Variants in TRAFD1 observed in about 807,000 individuals in gnomAD.
The protein encoded by TRAFD1 is TRAF-type zinc finger domain containing 1, also known as TRAF-type zinc finger domain-containing protein 1.
A neutral mutation model predicts 65.3 loss-of-function variants in TRAFD1; 38 were observed. That is an observed-to-expected ratio of 0.58 (90% CI 0.45 to 0.76). TRAFD1 has a LOEUF of 0.76. Among genes scored for constraint, TRAFD1 ranks in the 30% least tolerant of loss-of-function variants. TRAFD1 has a pLI of 0.00. For synonymous variants in TRAFD1, 223 were observed against 257.2 expected (o/e 0.87, Z 1.27); for missense variants, 631 against 712.6 (o/e 0.89, Z 1.30).
chr12:112,151,691 C>T (rs1451824978), intron 9 of TRAFD1, 110 bp from the exon 10 acceptor site: 2 of 1,104,570 alleles, frequency 1.8e-6, no homozygotes, highest in African/African-American at 3.2e-5. Context: ...AGCCACCACG[C>T]CTGGCTGAGC....
rs2030248589 is a variant in TRAFD1 at position 112,146,421 on chromosome 12, T to G, written c.927+759T>G. Among the ~76,000 whole-genome samples the G allele has an allele frequency of 1.3e-5, 2 of 152,118 alleles. 1 individual carries two copies. The highest frequency in any genetic ancestry group is 4.1e-4 in the South Asian group (2 of 4,832). On this transcript the variant is annotated intron_variant, in intron 7 of 11. Coordinates refer to ENST00000412615, the MANE Select transcript of TRAFD1 (RefSeq NM_006700.3). ...CATTTCAGCAGACCTGGAAATCTCA[T>G]GCTAGCAGCCCTTTCATGTGGTAGT... is the stretch of plus-strand genomic sequence containing the variant.
rs773624177 is a variant in TRAFD1 at position 112,152,712 on chromosome 12, G to A, written c.1693-23G>A. On this transcript the variant is annotated intron_variant, in intron 11 of 11. Coordinates refer to ENST00000412615, the MANE Select transcript of TRAFD1 (RefSeq NM_006700.3). This position sits in a 1 kb window ranked among gnomAD's most constrained non-coding sequence, Gnocchi z 5.0. ...TTTTTCACTTTTTATGTAAAGCTTC[G>A]TTTGTGTTGTGTTGTTCACCAGGCA... is the stretch of plus-strand genomic sequence containing the variant. 10 of 1,614,154 alleles carry A rather than the reference G, an allele frequency of 6.2e-6. 1 individual carries two copies. The Admixed American group carries it at 6.7e-5, about 11-fold the overall frequency.
At chr12:112,138,442 C>T (rs561963967) in intron 4 of TRAFD1, among the ~76,000 whole-genome samples, 7 of 151,594 alleles carry the variant, frequency 4.6e-5, no homozygotes, top group African/African-American at 1.2e-4. Context: ...TCCAGCTACT[C>T]GGGAGGCTGA....
chr12:112,151,752 T>TA, intron 9 of TRAFD1, 49 bp from the exon 10 acceptor site: 1 of 1,548,734 alleles, frequency 6.5e-7, no homozygotes, highest in South Asian at 1.2e-5. Context: ...CCTGGCACTA[T>TA]AGCCAGAGCA....
intron 6 of TRAFD1, 66 bp downstream of exon 6, chr12:112,142,361 T>G: frequency 6.7e-7 from 1 of 1,485,864 alleles, no homozygotes; most frequent in Non-Finnish European, 9.1e-7. Context: ...GTTATACAAT[T>G]CTTATACAAT....
intron 2 of TRAFD1, among the ~76,000 whole-genome samples, chr12:112,134,404 C>T (rs1243495710): frequency 2.7e-5 from 4 of 149,986 alleles, no homozygotes; most frequent in South Asian, 2.1e-4. Flanking sequence ...TACAGGTGCC[C>T]GCCATCACGC....
chr12:112,144,190 C>A (rs185138340), intron 6 of TRAFD1, among the ~76,000 whole-genome samples: 7 of 152,134 alleles, frequency 4.6e-5, no homozygotes, highest in Admixed American at 3.9e-4. Flanking sequence ...TAGCATGTTC[C>A]TCTGAGAATT....
chr12:112,136,068 G>A (rs1205612511), intron 4 of TRAFD1, among the ~76,000 whole-genome samples: 1 of 151,052 alleles, frequency 6.6e-6, no homozygotes, highest in African/African-American at 2.4e-5. Context: ...GGCAGAGGTT[G>A]CAGTGAGCCG....
At chr12:112,133,287 C>T (rs1480066130) in intron 2 of TRAFD1, 1 of 152,180 alleles carries the variant, frequency 6.6e-6, no homozygotes, top group African/African-American at 2.4e-5. Flanking sequence ...GAGCATGTTC[C>T]TGTAGTCAGG....
rs756099163 is a variant in TRAFD1 at position 112,149,852 on chromosome 12, G to C, written c.1260G>C (p.Arg420Ser). Reference protein sequence around the residue: ...QPQETSPELPRRRVRHQGDLS... With the variant: ...QPQETSPELPSRRVRHQGDLS... ...AAGAGACCTCACCAGAGCTGCCCAGGAGGCGTGTCAGACACCAGGGTATTT... is the reference window on the plus strand; with the variant it reads ...AAGAGACCTCACCAGAGCTGCCCAGCAGGCGTGTCAGACACCAGGGTATTT... Residue 420 changes from arginine to serine, a missense_variant, in exon 9 of 12, where the codon AGG (arginine) becomes AGC (serine). Arg to Ser is a moderately radical substitution (Grantham distance 110, BLOSUM62 -1). Coordinates refer to ENST00000412615, the MANE Select transcript of TRAFD1 (RefSeq NM_006700.3). 47 of 1,614,048 alleles carry C rather than the reference G, an allele frequency of 2.9e-5. No individual in the cohort carries two copies. Among genetic ancestry groups the C allele is most frequent in the Admixed American group, 8.3e-5 (5 of 60,006 alleles).
chr12:112,129,506 G>T (rs2079556926), intron 1 of TRAFD1, among the ~76,000 whole-genome samples: 1 of 151,846 alleles, frequency 6.6e-6, no homozygotes, highest in Admixed American at 6.6e-5. Flanking sequence ...CTGACTTGTT[G>T]GTGAAATTTG....
Position 112,152,598 on chromosome 12 carries a change from T to C in TRAFD1, c.1692+99T>C, listed in dbSNP as rs190864099. The C allele has an allele frequency of 6.9e-6, 11 of 1,593,934 alleles. No individual in the cohort carries two copies. The East Asian group carries it at 1.6e-4, about 23-fold the overall frequency. On this transcript the variant is annotated intron_variant, in intron 11 of 11. Transcript: ENST00000412615. This position sits in a 1 kb window ranked among gnomAD's most constrained non-coding sequence, Gnocchi z 5.0. ...GTAGAAGTTGTTGGGACCAGGCTGG[T>C]TGTGGTTCAAAGATTGTTCCTTTGG...
intron 7 of TRAFD1, 105 bp downstream of exon 7, chr12:112,145,767 C>T (rs1475209521): frequency 1.0e-6 from 1 of 966,194 alleles, no homozygotes. Context: ...ATACAATGCC[C>T]ATAGTAGGAA....
intron 8 of TRAFD1, 79 bp downstream of exon 8, chr12:112,148,383 C>G: frequency 8.0e-7 from 1 of 1,247,824 alleles, no homozygotes; most frequent in Non-Finnish European, 1.1e-6. Context: ...ACTTCCTTAG[C>G]CTTTAAGTTG....
intron 4 of TRAFD1, chr12:112,140,303 C>T (rs1432628458): frequency 1.2e-5 from 2 of 167,864 alleles, no homozygotes; most frequent in East Asian, 1.8e-4. Context: ...GCCTGAAATC[C>T]CAGCTACTCA....
In TRAFD1 at chr12:112,137,686, C is replaced by T. The variant is rs1321123996; in HGVS notation, c.237+2620C>T. ...CTGAGGCAGGAGAATGGCGTGAACC[C>T]GGGAGGCGGAGCTTGCAGTAAGCCG... On this transcript the variant is annotated intron_variant, in intron 4 of 11. Transcript: ENST00000412615. The surrounding 1 kb of genome is among the most constrained non-coding windows in gnomAD (Gnocchi z 4.2). Among the ~76,000 whole-genome samples, 1 of 151,988 alleles carries T rather than the reference C, an allele frequency of 6.6e-6. No homozygotes were observed. The highest frequency in any genetic ancestry group is 2.1e-4 in the South Asian group (1 of 4,818).
rs186388572 is a variant in TRAFD1, at chr12:112,151,462, G to A, written c.1280-339G>A. ...GGCTGGAGTGCAGTGGCATGATCTT[G>A]GCTCACTGCAGTCTTCACCTCCTGG... On this transcript the variant is annotated intron_variant, in intron 9 of 11. Transcript: ENST00000412615. Among the ~76,000 whole-genome samples the A allele has an allele frequency of 6.7e-5, 10 of 150,288 alleles. No homozygotes were observed. The East Asian group carries it at 2.0e-3, about 31-fold the overall frequency.
chr12:112,140,925 T>C lies in TRAFD1; in HGVS notation c.344T>C (p.Leu115Pro), dbSNP rs2030068689. 1 of 1,614,068 alleles carries C rather than the reference T, an allele frequency of 6.2e-7. No homozygotes were observed. The highest frequency in any genetic ancestry group is 1.7e-5 in the Admixed American group (1 of 60,002). ...HEDYCGARTE[L>P]CGNCGRNVLV... ...GATTATTGTGGTGCCCGGACGGAACTATGTGGCAACTGTGGTCGCAATGTC... is the reference window on the plus strand; with the variant it reads ...GATTATTGTGGTGCCCGGACGGAACCATGTGGCAACTGTGGTCGCAATGTC... The change falls in exon 5 of 12, where the codon CTA (leucine) becomes CCA (proline). Residue 115 changes from leucine to proline, a missense_variant. Physicochemically the swap from Leu to Pro is moderately conservative, Grantham distance 98. Coordinates refer to ENST00000412615, the MANE Select transcript of TRAFD1 (RefSeq NM_006700.3).
At chr12:112,133,480 TTTG>T (rs1236236191) in intron 2 of TRAFD1, among the ~76,000 whole-genome samples, 9 of 152,158 alleles carry the variant, frequency 5.9e-5, no homozygotes, top group Admixed American at 3.9e-4. Flanking sequence ...TTCACTTGTT[TTTG>T]TTGTTGTTTT....
Sources: allele counts gnomAD v4.1 joint callset (sites outside exome capture counted in the v4.1 genomes callset), GRCh38; gene constraint gnomAD v4.1.1; non-coding constraint Gnocchi (gnomAD v3.1); transcripts MANE v1.5; gene names NCBI Gene and HGNC (gene_info 2026-07-23, HGNC 2026-07-21).